The following PCDHA7 variants were observed in gnomAD, a reference collection of about 807,000 sequenced individuals.
The protein encoded by PCDHA7 is protocadherin alpha 7.
Under a neutral mutation model 57.2 loss-of-function variants are expected in PCDHA7, and 37 were observed. The ratio of observed to expected loss-of-function variants is 0.65; its 90% CI spans 0.50 to 0.85. PCDHA7 has a LOEUF of 0.85. Ranked by LOEUF, PCDHA7 falls within the 40% of genes least tolerant of loss-of-function variation. The pLI is 0.00. For synonymous variants in PCDHA7, 553 were observed against 558.8 expected, an observed-to-expected ratio of 0.99 and a Z score of 0.15; for missense variants, 1,188 against 1,241.8, an observed-to-expected ratio of 0.96 and a Z score of 0.65.
intron 1 of PCDHA7, among the ~76,000 whole-genome samples, chr5:140,926,081 T>C (rs2153580512): frequency 6.6e-6 from 1 of 152,334 alleles, no homozygotes; most frequent in Admixed American, 6.5e-5. Flanking sequence ...TCTATTGCCC[T>C]CTTGGCAGCT....
intron 1 of PCDHA7, among the ~76,000 whole-genome samples, chr5:140,921,577 A>G (rs1248608945): frequency 6.6e-6 from 1 of 152,242 alleles, no homozygotes; most frequent in African/African-American, 2.4e-5. Context: ...AGTAGAGCTC[A>G]TACTATATTA....
At chr5:140,967,919 G>A (rs1554230110) in intron 1 of PCDHA7, 1 of 1,614,212 alleles carries the variant, frequency 6.2e-7, no homozygotes, top group South Asian at 1.1e-5. Flanking sequence ...CACCATTGTG[G>A]CCGTTCTCAG....
At chr5:140,856,980 A>G in intron 1 of PCDHA7, 1 of 1,594,908 alleles carries the variant, frequency 6.3e-7, no homozygotes, top group African/African-American at 1.3e-5. Context: ...GACTTTGAGG[A>G]CAGTAACACT....
intron 1 of PCDHA7, among the ~76,000 whole-genome samples, chr5:140,922,817 G>A (rs1554200973): frequency 1.3e-5 from 2 of 152,218 alleles, no homozygotes; most frequent in Non-Finnish European, 2.9e-5. Context: ...AGGAGATACA[G>A]CATACTGCTA....
intron 1 of PCDHA7, among the ~76,000 whole-genome samples, chr5:140,914,132 T>G (rs1554196213): frequency 6.6e-6 from 1 of 152,152 alleles, no homozygotes; most frequent in Non-Finnish European, 1.5e-5. Context: ...CTTTGTTGAG[T>G]TTTTGTCTGT....
chr5:140,963,829 A>G (rs1460358277), intron 1 of PCDHA7, among the ~76,000 whole-genome samples: 1 of 152,180 alleles, frequency 6.6e-6, no homozygotes, highest in African/African-American at 2.4e-5. Context: ...CTTTACATAC[A>G]TTTTCTCATG....
intron 1 of PCDHA7, among the ~76,000 whole-genome samples, chr5:140,951,551 A>T (rs246040): frequency 0.31 from 47,721 of 151,608 alleles, 7,835 homozygotes; most frequent in East Asian, 0.53. Flanking sequence ...GACGGGGGGA[A>T]GTGCTACGCA....
intron 1 of PCDHA7, chr5:140,968,964 G>A (rs782792392): frequency 7.4e-6 from 12 of 1,614,136 alleles, no homozygotes; most frequent in East Asian, 4.5e-5. Context: ...AAGTGCTACC[G>A]CTACACTGCG....
intron 3 of PCDHA7, among the ~76,000 whole-genome samples, chr5:141,006,649 G>A (rs1377970510): frequency 2.6e-5 from 4 of 152,176 alleles, no homozygotes; most frequent in Admixed American, 2.0e-4. Context: ...AGAGATGATG[G>A]TGTCCTGAAA....
chr5:140,849,445 A>G, intron 1 of PCDHA7: 1 of 1,585,774 alleles, frequency 6.3e-7, no homozygotes, highest in South Asian at 1.1e-5. Flanking sequence ...AGAGCACACA[A>G]GATCCCAGTC....
intron 1 of PCDHA7, chr5:140,857,847 CTG>C: frequency 6.3e-7 from 1 of 1,597,872 alleles, no homozygotes; most frequent in Non-Finnish European, 8.6e-7. Flanking sequence ...GACGCTGACT[CTG>C]GATACAACGC....
intron 1 of PCDHA7, among the ~76,000 whole-genome samples, chr5:140,889,644 C>A (rs2062317759): frequency 6.6e-6 from 1 of 151,938 alleles, no homozygotes; most frequent in African/African-American, 2.4e-5. Flanking sequence ...TTTGTGTTTG[C>A]AGGAGATGTC....
chr5:140,946,631 T>TAC (rs374022482), intron 1 of PCDHA7, among the ~76,000 whole-genome samples: 8 of 131,856 alleles, frequency 6.1e-5, no homozygotes, highest in African/African-American at 1.7e-4. Context: ...TATATATATA[T>TAC]ACAATGGAAT....
intron 1 of PCDHA7, among the ~76,000 whole-genome samples, chr5:140,924,907 A>T (rs538089373): frequency 0.035 from 1,776 of 50,942 alleles, 16 homozygotes; most frequent in Non-Finnish European, 0.042. Context: ...AAAAAAAAAT[A>T]AAATAAAATA....
At chr5:140,950,358 G>A (rs1474217490) in intron 1 of PCDHA7, among the ~76,000 whole-genome samples, 3 of 151,864 alleles carry the variant, frequency 2.0e-5, no homozygotes, top group Admixed American at 1.3e-4. Context: ...TCCTTTATCT[G>A]AAGATCTATT....
At chr5:140,890,533 T>C (rs2062686259) in intron 1 of PCDHA7, among the ~76,000 whole-genome samples, 1 of 152,234 alleles carries the variant, frequency 6.6e-6, no homozygotes, top group South Asian at 2.1e-4. Context: ...TTGATCTTCT[T>C]TTGAAATGAC....
chr5:140,882,583 C>A, intron 1 of PCDHA7: 1 of 1,614,232 alleles, frequency 6.2e-7, no homozygotes, highest in Non-Finnish European at 8.5e-7. Flanking sequence ...GCAGCATCCA[C>A]CTGGAGGTGA....
intron 1 of PCDHA7, chr5:140,928,108 G>C: frequency 6.2e-7 from 1 of 1,614,190 alleles, no homozygotes; most frequent in Non-Finnish European, 8.5e-7. Flanking sequence ...CCTGGACCGG[G>C]AGCAGATCAG....
chr5:140,978,444 T>G (rs2096802589), intron 1 of PCDHA7, among the ~76,000 whole-genome samples: 1 of 152,248 alleles, frequency 6.6e-6, no homozygotes, highest in Non-Finnish European at 1.5e-5. Context: ...GTGTTATGAC[T>G]GGGCACATCC....
Sources: gnomAD v4.1 joint callset for allele counts (sites outside exome capture counted in the v4.1 genomes callset) on GRCh38, gnomAD v4.1.1 for gene constraint, MANE v1.5 for transcripts, NCBI Gene and HGNC (gene_info 2026-07-23, HGNC 2026-07-21) for gene names.